CPSF7: variants seen among roughly 807,000 people sequenced by gnomAD.
CPSF7 encodes cleavage and polyadenylation specific factor 7.
A neutral mutation model predicts 44.3 loss-of-function variants in CPSF7; 1 was observed. That is an observed-to-expected ratio of 0.02 (90% CI 0.01 to 0.11). The LOEUF (loss-of-function observed/expected upper bound fraction) is 0.11, where lower values mean the gene tolerates loss of function less well. Ranked by LOEUF, CPSF7 falls within the 10% of genes least tolerant of loss-of-function variation. The pLI, the probability that CPSF7 is intolerant of heterozygous loss-of-function variation, is 1.00. For synonymous variants in CPSF7, 202 were observed against 222.0 expected, an observed-to-expected ratio of 0.91 and a Z score of 0.80; for missense variants, 443 against 607.2, an observed-to-expected ratio of 0.73 and a Z score of 2.84.
At chr11:61,414,085 T>C (rs946757181) in intron 7 of CPSF7, among the ~76,000 whole-genome samples, 5 of 152,138 alleles carry the variant, frequency 3.3e-5, no homozygotes, top group Admixed American at 2.6e-4. Flanking sequence ...TTCTTTATAC[T>C]GTTCTGTGTA....
chr11:61,415,547 C>G (rs1164849645), intron 7 of CPSF7, 119 bp downstream of exon 7: 1 of 686,230 alleles, frequency 1.5e-6, no homozygotes, highest in African/African-American at 1.8e-5. Flanking sequence ...AAGTATGCCG[C>G]TCTTGATATC....
intron 1 of CPSF7, 94 bp from the exon 2 acceptor site, chr11:61,429,384 C>T (rs1861717113): frequency 2.7e-6 from 2 of 746,570 alleles, no homozygotes; most frequent in South Asian, 1.5e-5. Context: ...TCCAGAGACG[C>T]AGCATCCTGG....
chr11:61,413,722 T>C (rs1478469935), intron 7 of CPSF7, among the ~76,000 whole-genome samples: 2 of 151,942 alleles, frequency 1.3e-5, no homozygotes, highest in East Asian at 1.9e-4. Context: ...GGGATAGTGG[T>C]CATGGGGCGG....
chr11:61,406,476 G>C (rs1323580712), intron 9 of CPSF7, among the ~76,000 whole-genome samples: 1 of 152,190 alleles, frequency 6.6e-6, no homozygotes, highest in Non-Finnish European at 1.5e-5. Flanking sequence ...AGAGTCCTTA[G>C]GGTGAGAATG....
At chr11:61,425,840 C>T (rs1861294055) in intron 2 of CPSF7, among the ~76,000 whole-genome samples, 1 of 152,198 alleles carries the variant, frequency 6.6e-6, no homozygotes, top group African/African-American at 2.4e-5. Context: ...AGTACAGGGA[C>T]CCACTTTTTT....
chr11:61,423,499 A>G (rs1242464247), intron 2 of CPSF7, among the ~76,000 whole-genome samples: 2 of 152,174 alleles, frequency 1.3e-5, no homozygotes, highest in African/African-American at 4.8e-5. Flanking sequence ...GGATTAGACA[A>G]GCATTTTATT....
At chr11:61,409,253 C>T (rs1261219268) in intron 9 of CPSF7, among the ~76,000 whole-genome samples, 2 of 152,034 alleles carry the variant, frequency 1.3e-5, no homozygotes, top group African/African-American at 4.8e-5. Flanking sequence ...TCAGGTGGAT[C>T]ACGAGGTCAG....
At chr11:61,416,985 C>A (rs942566375) in intron 5 of CPSF7, among the ~76,000 whole-genome samples, 2 of 152,034 alleles carry the variant, frequency 1.3e-5, no homozygotes, top group Admixed American at 1.3e-4. Context: ...CTCTTTGCCA[C>A]AGGGTGTTGG....
intron 7 of CPSF7, among the ~76,000 whole-genome samples, chr11:61,412,823 C>T (rs1373929700): frequency 1.3e-5 from 2 of 152,258 alleles, no homozygotes; most frequent in South Asian, 4.1e-4. Flanking sequence ...CTAATTGAAA[C>T]AAGCAAGTTT....
At chr11:61,418,373 G>C (rs765028591) in intron 5 of CPSF7, among the ~76,000 whole-genome samples, 5 of 152,162 alleles carry the variant, frequency 3.3e-5, no homozygotes, top group Non-Finnish European at 7.3e-5. Context: ...CACTTTATGA[G>C]GTCAGGAAAA....
chr11:61,410,800 G>A (rs1441760010), intron 9 of CPSF7, 138 bp downstream of exon 9: 2 of 885,574 alleles, frequency 2.3e-6, no homozygotes, highest in South Asian at 2.0e-5. Context: ...AATCTGCCCT[G>A]AAATTCCAGT....
chr11:61,429,626 T>C (rs1395536862), intron 1 of CPSF7: 77 of 1,026,696 alleles, frequency 7.5e-5, no homozygotes, highest in Non-Finnish European at 1.0e-4. Flanking sequence ...CCCTATCCGC[T>C]GCACCTGCCT....
In CPSF7 at chr11:61,405,448, A is replaced by C. The variant is rs573940133; in HGVS notation, c.*6-744T>G. 2.0e-5 allele frequency among the ~76,000 whole-genome samples: 3 copies of C among 152,332 alleles called. No individual in the cohort carries two copies. In the East Asian group the frequency reaches 5.8e-4, roughly 29 times the overall value. On this transcript the variant is annotated intron_variant, in intron 9 of 9. Coordinates refer to ENST00000439958, the MANE Select transcript of CPSF7 (RefSeq NM_001142565.3). ...GCAGGAGTCACGTGGCCAGGCCAGA[A>C]CAGAAAGCAGAGCATGGAAGAAACC...
intron 7 of CPSF7, 50 bp downstream of exon 7, chr11:61,415,616 A>G (rs1294818291): frequency 8.0e-7 from 1 of 1,253,976 alleles, no homozygotes; most frequent in Non-Finnish European, 1.2e-6. Context: ...AAAATCAGGA[A>G]AAAAAAGTAA....
intron 2 of CPSF7, chr11:61,426,373 C>T (rs1343785604): frequency 6.6e-6 from 1 of 152,162 alleles, no homozygotes; most frequent in African/African-American, 2.4e-5. Context: ...ATGACACTAA[C>T]ACTAACTTTG....
Position 61,416,161 on chromosome 11 carries a change from C to T in CPSF7, c.882G>A (p.Val294=). 1 of 1,516,140 alleles carries T rather than the reference C, an allele frequency of 6.6e-7. No homozygotes were observed. The highest frequency in any genetic ancestry group is 8.8e-7 in the Non-Finnish European group (1 of 1,134,600). 93.9% of individuals were successfully genotyped at this position (1,516,140 alleles called of 1,614,324 possible). The change falls in exon 6 of 10, where the codon GTG becomes GTA. Residue 294 remains valine (V), a synonymous_variant. Coordinates refer to ENST00000439958, the MANE Select transcript of CPSF7 (RefSeq NM_001142565.3). ...PAFFPPPNAT[V]GPPPDTYMKA... ...TCATGTAAGTATCTGGTGGAGGCCC[C>T]ACTGTAGCGTTTGGTGGGGGGAAGA...
At chr11:61,419,395 C>T (rs1452623551) in intron 5 of CPSF7, among the ~76,000 whole-genome samples, 1 of 152,212 alleles carries the variant, frequency 6.6e-6, no homozygotes, top group African/African-American at 2.4e-5. Flanking sequence ...AGCACCCTCT[C>T]CCCTGGACAA....
At chr11:61,415,972 G>A (rs1180967402) in intron 6 of CPSF7, 133 bp downstream of exon 6, 2 of 939,732 alleles carry the variant, frequency 2.1e-6, no homozygotes, top group South Asian at 1.8e-5. Flanking sequence ...TACTTCCCAG[G>A]AGTCAATGCT....
intron 9 of CPSF7, among the ~76,000 whole-genome samples, chr11:61,405,429 G>A (rs936451192): frequency 1.3e-5 from 2 of 152,156 alleles, no homozygotes; most frequent in African/African-American, 4.8e-5. Context: ...CTAAGCAGGA[G>A]TCACGTGGCC....
Sources: allele counts gnomAD v4.1 joint callset (sites outside exome capture counted in the v4.1 genomes callset), GRCh38; gene constraint gnomAD v4.1.1; transcripts MANE v1.5; gene names NCBI Gene and HGNC (gene_info 2026-07-23, HGNC 2026-07-21).